SLC9A8: variants seen among roughly 807,000 people sequenced by gnomAD.
The protein encoded by SLC9A8 is solute carrier family 9 member A8, also known as sodium/hydrogen exchanger 8.
A neutral mutation model predicts 66.6 loss-of-function variants in SLC9A8; 48 were observed. The ratio of observed to expected loss-of-function variants is 0.72; its 90% confidence interval spans 0.57 to 0.92. The LOEUF is 0.92. Among genes scored for constraint, SLC9A8 ranks in the 40% least tolerant of loss-of-function variants. The probability of loss-of-function intolerance (pLI) is 0.00; values close to 1 mark genes in which losing one functional copy is unlikely to be tolerated. For missense variants in SLC9A8, 599 were observed against 747.3 expected, an observed-to-expected ratio of 0.80 and a Z score of 2.31; for synonymous variants, 274 against 282.6, an observed-to-expected ratio of 0.97 and a Z score of 0.31.
In SLC9A8 at chr20:49,815,028, A is replaced by T; in HGVS notation, c.47A>T (p.His16Leu). 1 of 1,594,928 alleles carries T rather than the reference A, an allele frequency of 6.3e-7. No individual in the cohort carries two copies. Among genetic ancestry groups the T allele is most frequent in the Non-Finnish European group, 8.5e-7 (1 of 1,169,930 alleles). Residue 16 changes from histidine (H) to leucine (L), a missense_variant, in exon 2 of 16, where the codon CAT becomes CTT. Around this residue, in one of 2 missense-constraint regions of SLC9A8, gnomAD observed 132 missense variants for 120.9 expected, o/e 1.09. Coordinates refer to ENST00000361573, the MANE Select transcript of SLC9A8 (RefSeq NM_015266.3). ...AEEERFPNTT[H>L]EGFNVTLHTT... ...TCCAGGAGGTTCCCCAATACAACTC[A>T]TGAGGGTTTCAATGTCACCCTCCAC...
chr20:49,881,879 CAG>C (rs1262606958), intron 13 of SLC9A8, among the ~76,000 whole-genome samples: 7 of 152,054 alleles, frequency 4.6e-5, no homozygotes, highest in African/African-American at 1.5e-4. Context: ...AGAAGTGTGT[CAG>C]AGGTTTTTGA....
Position 49,888,254 on chromosome 20 carries a change from C to T in SLC9A8, c.*318C>T, listed in dbSNP as rs1031986160. 9 of 313,234 alleles carry T rather than the reference C, an allele frequency of 2.9e-5. No homozygotes were observed. The highest frequency in any genetic ancestry group is 9.0e-5 in the African/African-American group (4 of 44,404). The allele number at this position is 313,234 out of a possible 1,614,324, so 19.4% of individuals were successfully genotyped here. A position where few individuals can be genotyped will look rare whatever the true frequency, so the allele number is the denominator to read the frequency against. On this transcript the variant is annotated 3_prime_UTR_variant, in exon 16 of 16. Coordinates refer to ENST00000361573, the MANE Select transcript of SLC9A8 (RefSeq NM_015266.3). ...TGTGAAGCTAGGGCGCCTACCCCCC[C>T]ACCCGGAGGACCCCTGCGGCCCCCT...
rs768793358 is a variant in SLC9A8, at chr20:49,889,304, A to T, written c.*1368A>T. 3.9e-5 allele frequency: 6 copies of T among 152,250 alleles called. No homozygotes were observed. The highest frequency in any genetic ancestry group is 7.2e-5 in the African/African-American group (3 of 41,434). The allele number at this position is 152,250 out of a possible 1,614,324, so 9.4% of individuals were successfully genotyped here. On this transcript the variant is annotated 3_prime_UTR_variant, in exon 16 of 16. Transcript: ENST00000361573. ...TCATTAAGAAGCATTCCTGCTTCTCAAGGGACACAGTGGCCTGCATGGGCC... is the reference window on the plus strand; with the variant it reads ...TCATTAAGAAGCATTCCTGCTTCTCTAGGGACACAGTGGCCTGCATGGGCC...
chr20:49,829,603 T>G (rs1258713007), intron 3 of SLC9A8: 1 of 395,242 alleles, frequency 2.5e-6, no homozygotes, highest in East Asian at 6.2e-5. Context: ...TGGATTAAAG[T>G]GAAACAGCTG....
chr20:49,855,534 C>G lies in SLC9A8; in HGVS notation c.666C>G (p.Val222=). The change falls in exon 8 of 16, where the codon GTC becomes GTG. Residue 222 remains valine, a synonymous_variant. Coordinates refer to ENST00000361573, the MANE Select transcript of SLC9A8 (RefSeq NM_015266.3). ...TGGACCCCGTGCTCAACATGCTGGT[C>G]TTTGGAGAAAGTATTCTCAACGATG... ...LHVDPVLNML[V]FGESILNDAV... is the part of the protein sequence containing the mutation. 1 of 1,614,202 alleles carries G rather than the reference C, an allele frequency of 6.2e-7. No individual in the cohort carries two copies. Among genetic ancestry groups the G allele is most frequent in the Non-Finnish European group, 8.5e-7 (1 of 1,180,034 alleles).
chr20:49,887,554 G>A (rs1365232488), intron 15 of SLC9A8, among the ~76,000 whole-genome samples: 2 of 152,066 alleles, frequency 1.3e-5, no homozygotes, highest in African/African-American at 4.8e-5. Context: ...GGGCATAACT[G>A]GGAGCAGAGC....
At chr20:49,834,384 CTGTGTATATATATAT>C (rs2087404848) in intron 3 of SLC9A8, among the ~76,000 whole-genome samples, 3 of 36,694 alleles carry the variant, frequency 8.2e-5, no homozygotes, top group Admixed American at 2.8e-4. Flanking sequence ...TATATATATA[CTGTGTATATATATAT>C]ACTGTGTATA....
At chr20:49,885,414 C>T (rs2089854548) in intron 14 of SLC9A8, among the ~76,000 whole-genome samples, 1 of 152,204 alleles carries the variant, frequency 6.6e-6, no homozygotes, top group Non-Finnish European at 1.5e-5. Context: ...CAGCCCAGAC[C>T]TCTTGGGCTC....
intron 3 of SLC9A8, among the ~76,000 whole-genome samples, chr20:49,824,757 A>G (rs1031282860): frequency 6.6e-6 from 1 of 152,146 alleles, no homozygotes; most frequent in African/African-American, 2.4e-5. Context: ...TTGATCAGGT[A>G]TCTTGCCACA....
intron 14 of SLC9A8, chr20:49,884,289 G>GACACAC (rs1176516884): frequency 6.4e-4 from 25 of 38,764 alleles, no homozygotes; most frequent in Non-Finnish European, 1.1e-3. Flanking sequence ...ACACACACAC[G>GACACAC]ACACACACAC....
rs148369871 is a variant in SLC9A8, at chr20:49,843,279, AAC to A, written c.349-1753_349-1752del. Among the ~76,000 whole-genome samples, 636 of 152,274 alleles carry A rather than the reference AAC, an allele frequency of 4.2e-3. 3 individuals carry two copies. Among genetic ancestry groups the A allele is most frequent in the African/African-American group, 0.015 (615 of 41,558 alleles). On this transcript the variant is annotated intron_variant, in intron 4 of 15. Transcript: ENST00000361573. ...ATCCTGAGAATAGGTTGCCCCGTAA[AAC>A]ACAGAGCTCGGCTCATTTTTTTTCA...
At chr20:49,877,876 T>G (rs1307562373) in intron 11 of SLC9A8, 105 bp from the exon 12 acceptor site, 5 of 691,026 alleles carry the variant, frequency 7.2e-6, no homozygotes, top group Non-Finnish European at 1.2e-5. Context: ...ATAAGGAAAG[T>G]GTTGTATTGG....
At chr20:49,871,537 C>G (rs1038389710) in intron 10 of SLC9A8, among the ~76,000 whole-genome samples, 1 of 152,226 alleles carries the variant, frequency 6.6e-6, no homozygotes, top group Non-Finnish European at 1.5e-5. Context: ...CTGGTTTGCA[C>G]CAACCCCCGC....
At chr20:49,828,281 C>T (rs1163897374) in intron 3 of SLC9A8, among the ~76,000 whole-genome samples, 1 of 151,674 alleles carries the variant, frequency 6.6e-6, no homozygotes, top group Non-Finnish European at 1.5e-5. Flanking sequence ...AGGGTTTCAC[C>T]ATGTTAGCCA....
At chr20:49,845,008 C>T (rs750010040) in intron 4 of SLC9A8, 28 bp from the exon 5 acceptor site, 1 of 1,494,838 alleles carries the variant, frequency 6.7e-7, no homozygotes, top group East Asian at 2.3e-5. Context: ...AATTCCATGC[C>T]CTTAAGATAC....
intron 3 of SLC9A8, among the ~76,000 whole-genome samples, chr20:49,839,290 C>G (rs1169525973): frequency 6.6e-6 from 1 of 152,116 alleles, no homozygotes; most frequent in Non-Finnish European, 1.5e-5. Context: ...GTCCTTGGGT[C>G]TTGCTTTAAA....
intron 4 of SLC9A8, among the ~76,000 whole-genome samples, chr20:49,844,046 A>G (rs1365242342): frequency 1.3e-5 from 2 of 151,640 alleles, no homozygotes; most frequent in African/African-American, 2.4e-5. Flanking sequence ...GGTTCTTATC[A>G]GATACCCAGT....
intron 10 of SLC9A8, among the ~76,000 whole-genome samples, chr20:49,866,181 A>G (rs2088956455): frequency 6.6e-6 from 1 of 152,134 alleles, no homozygotes; most frequent in African/African-American, 2.4e-5. Context: ...TTTAAATGAA[A>G]TCATGTGGTA....
intron 14 of SLC9A8, 26 bp downstream of exon 14, chr20:49,884,092 GGGGCA>G: frequency 6.2e-7 from 1 of 1,600,312 alleles, no homozygotes; most frequent in Admixed American, 1.7e-5. Flanking sequence ...CTGTGGGGGT[GGGGCA>G]GGGGGCTGGC....
Sources: gnomAD v4.1 joint callset for allele counts (sites outside exome capture counted in the v4.1 genomes callset) on GRCh38, gnomAD v4.1.1 for gene constraint, gnomAD v4.1.1 regional missense constraint, MANE v1.5 for transcripts, NCBI Gene and HGNC (gene_info 2026-07-23, HGNC 2026-07-21) for gene names.